Variants in ADAM12 observed in about 807,000 individuals in gnomAD.
ADAM12 encodes the protein ADAM metallopeptidase domain 12.
A neutral mutation model predicts 106.4 loss-of-function variants in ADAM12; 70 were observed. The ratio of observed to expected loss-of-function variants is 0.66; its 90% CI spans 0.54 to 0.80. The LOEUF is 0.80. Among genes scored for constraint, ADAM12 ranks in the 30% least tolerant of loss-of-function variants. The pLI is 0.00. For synonymous variants in ADAM12, 420 were observed against 433.5 expected, an observed-to-expected ratio of 0.97 and a Z score of 0.39; for missense variants, 1,010 against 1,171.9, an observed-to-expected ratio of 0.86 and a Z score of 2.02.
intron 2 of ADAM12, among the ~76,000 whole-genome samples, chr10:126,307,573 TTC>T (rs1342434979): frequency 6.6e-6 from 1 of 151,866 alleles, no homozygotes; most frequent in African/African-American, 2.4e-5. Flanking sequence ...TCTCACTCTG[TTC>T]TGTTGCCCAG....
At chr10:126,185,276 T>C (rs113850757) in intron 3 of ADAM12, among the ~76,000 whole-genome samples, 4,546 of 152,334 alleles carry the variant, frequency 0.03, 113 homozygotes, top group Middle Eastern at 0.051. Flanking sequence ...TTTTTAACAA[T>C]GGTGTAAAAT....
In ADAM12 at chr10:126,155,153, A is replaced by G. The variant is rs943546074; in HGVS notation, c.339+74T>C. ...AATCTGGGCATGTGATTTTGCTCCG[A>G]ATAAAATGGCTACAAAGGTTAAGCA... On this transcript the variant is annotated intron_variant, in intron 4 of 22. Coordinates refer to ENST00000448723, the MANE Select transcript of ADAM12 (RefSeq NM_001288973.2). 3 of 1,540,442 alleles carry G rather than the reference A, an allele frequency of 1.9e-6. No individual in the cohort carries two copies. The Admixed American group carries it at 5.1e-5, about 26-fold the overall frequency.
Position 126,064,714 on chromosome 10 carries a change from G to C in ADAM12, c.1609+92C>G, listed in dbSNP as rs937249582. On this transcript the variant is annotated intron_variant, in intron 14 of 22. Coordinates refer to ENST00000448723, the MANE Select transcript of ADAM12 (RefSeq NM_001288973.2). The surrounding 1 kb of genome is among the most constrained non-coding windows in gnomAD (Gnocchi z 4.4). ...TGTGTGGACAGCGCCCGCCAGGAGT[G>C]GGGGCTAACCAAAACAGAGCACATG... The C allele has an allele frequency of 2.9e-6, 4 of 1,358,170 alleles. No individual in the cohort carries two copies. In the South Asian group the frequency reaches 4.2e-5, roughly 14 times the overall value. The allele number at this position is 1,358,170 out of a possible 1,614,324, so 84.1% of individuals were successfully genotyped here.
In ADAM12 at chr10:126,240,955, T is replaced by A. The variant is rs540687688; in HGVS notation, c.260+37960A>T. Among the ~76,000 whole-genome samples the A allele has an allele frequency of 2.0e-5, 3 of 152,350 alleles. No individual in the cohort carries two copies. The East Asian group carries it at 5.8e-4, about 29-fold the overall frequency. On this transcript the variant is annotated intron_variant, in intron 3 of 22. Transcript: ENST00000448723. ...ATAGGCCAAACTCCTTGAAATAAAATCTAGAGTGTCATTGAAATGTCATTC... is the reference window on the plus strand; with the variant it reads ...ATAGGCCAAACTCCTTGAAATAAAAACTAGAGTGTCATTGAAATGTCATTC...
At chr10:126,272,089 C>T (rs1373653214) in intron 3 of ADAM12, among the ~76,000 whole-genome samples, 1 of 152,192 alleles carries the variant, frequency 6.6e-6, no homozygotes, top group African/African-American at 2.4e-5. Context: ...GGCCCCATAC[C>T]TTCCCCTCCT....
intron 1 of ADAM12, among the ~76,000 whole-genome samples, 174 bp from the exon 2 acceptor site, chr10:126,330,683 CTAACCA>C (rs1408091425): frequency 6.6e-6 from 1 of 152,222 alleles, no homozygotes; most frequent in Non-Finnish European, 1.5e-5. Context: ...CTCTGTCAAT[CTAACCA>C]TGAAAATTTT....
At chr10:126,075,123 A>G (rs922851273) in intron 11 of ADAM12, among the ~76,000 whole-genome samples, 1 of 152,142 alleles carries the variant, frequency 6.6e-6, no homozygotes, top group African/African-American at 2.4e-5. Context: ...CATTTCCTCT[A>G]TGTAATGAAG....
chr10:126,173,627 A>AT lies in ADAM12; in HGVS notation c.261-18323dup, dbSNP rs552214759. 9.5e-4 allele frequency among the ~76,000 whole-genome samples: 143 copies of AT among 150,966 alleles called. 4 individuals are homozygous for AT. The South Asian group carries it at 0.023, about 24-fold the overall frequency. On this transcript the variant is annotated intron_variant, in intron 3 of 22. Transcript: ENST00000448723. ...CTATTTCCTCTTCTTTTGAATATAGATTTTTTTTTTAAGTTTCAGAGCGCA... is the reference window on the plus strand; with the variant it reads ...CTATTTCCTCTTCTTTTGAATATAGATTTTTTTTTTTAAGTTTCAGAGCGCA...
At chr10:126,265,088 G>A (rs1020068280) in intron 3 of ADAM12, among the ~76,000 whole-genome samples, 1 of 152,188 alleles carries the variant, frequency 6.6e-6, no homozygotes, top group Admixed American at 6.5e-5. Flanking sequence ...CTCCAGGACA[G>A]GCTGTGGTGC....
intron 2 of ADAM12, among the ~76,000 whole-genome samples, chr10:126,303,319 C>T (rs1158626687): frequency 6.6e-6 from 1 of 152,132 alleles, no homozygotes; most frequent in African/African-American, 2.4e-5. Flanking sequence ...GCTGGAAAAG[C>T]GCAAACATGT....
chr10:126,173,473 T>C (rs1443839743), intron 3 of ADAM12, among the ~76,000 whole-genome samples: 6 of 152,122 alleles, frequency 3.9e-5, no homozygotes, highest in Non-Finnish European at 8.8e-5. Flanking sequence ...GCAATATCCC[T>C]GGCCTCCACC....
chr10:126,278,437 A>C (rs964778926), intron 3 of ADAM12, among the ~76,000 whole-genome samples: 1 of 152,226 alleles, frequency 6.6e-6, no homozygotes, highest in East Asian at 1.9e-4. Flanking sequence ...CCACAAAAGG[A>C]CCAATTTTTA....
At chr10:126,020,495 G>A (rs559948765) in intron 21 of ADAM12, among the ~76,000 whole-genome samples, 25 of 152,210 alleles carry the variant, frequency 1.6e-4, no homozygotes, top group South Asian at 4.2e-4. Flanking sequence ...GTTATTCCAC[G>A]CTAGGTTTTA....
At position 126,086,509 on chromosome 10, in the gene ADAM12, C is replaced by G. The variant is rs189021542; in HGVS notation, c.1145+7476G>C. ...TGGCCAACATGGTAAAACCCCATCT[C>G]CACTAAAAATACAAAGAATCAGCCA... is the stretch of plus-strand genomic sequence containing the variant. On this transcript the variant is annotated intron_variant, in intron 11 of 22. Coordinates refer to ENST00000448723, the MANE Select transcript of ADAM12 (RefSeq NM_001288973.2). 1.1e-3 allele frequency among the ~76,000 whole-genome samples: 160 copies of G among 149,298 alleles called. 1 individual carries two copies. Among genetic ancestry groups the G allele is most frequent in the African/African-American group, 3.6e-3 (146 of 40,244 alleles).
At chr10:126,219,459 GT>G (rs1958049911) in intron 3 of ADAM12, among the ~76,000 whole-genome samples, 1 of 151,986 alleles carries the variant, frequency 6.6e-6, no homozygotes, top group African/African-American at 2.4e-5. Flanking sequence ...GACATCAGTG[GT>G]CTTTTTCTTT....
chr10:126,235,329 GC>G (rs989391697), intron 3 of ADAM12, among the ~76,000 whole-genome samples: 2 of 152,222 alleles, frequency 1.3e-5, no homozygotes, highest in African/African-American at 4.8e-5. Context: ...AGGCTCCATT[GC>G]CTCCAGGCAG....
In ADAM12 at chr10:126,106,730, C is replaced by T. The variant is rs370257845; in HGVS notation, c.741+1863G>A. ...CGATCTCTTGACCTCGTGATCCGCC[C>T]GCCTCGGCCTCCCAAAGTGCTGGGA... On this transcript the variant is annotated intron_variant, in intron 8 of 22. Coordinates refer to ENST00000448723, the MANE Select transcript of ADAM12 (RefSeq NM_001288973.2). Among the ~76,000 whole-genome samples, 18 of 152,180 alleles carry T rather than the reference C, an allele frequency of 1.2e-4. 1 individual carries two copies. The highest frequency in any genetic ancestry group is 3.4e-3 in the Middle Eastern group (1 of 292).
chr10:126,191,148 C>G (rs1325664638), intron 3 of ADAM12, among the ~76,000 whole-genome samples: 2 of 151,562 alleles, frequency 1.3e-5, no homozygotes, highest in Admixed American at 1.3e-4. Context: ...ATTACAGGCG[C>G]CTGCCACCAC....
intron 3 of ADAM12, among the ~76,000 whole-genome samples, chr10:126,204,458 C>T (rs1957759739): frequency 6.6e-6 from 1 of 152,166 alleles, no homozygotes; most frequent in African/African-American, 2.4e-5. Flanking sequence ...GTCTGTGAGA[C>T]AATAAGCTCC....
Sources: gnomAD v4.1 joint callset for allele counts (sites outside exome capture counted in the v4.1 genomes callset) on GRCh38, gnomAD v4.1.1 for gene constraint, Gnocchi (gnomAD v3.1) non-coding constraint, MANE v1.5 for transcripts, NCBI Gene and HGNC (gene_info 2026-07-23, HGNC 2026-07-21) for gene names.